Variants in RELN observed in about 807,000 individuals in gnomAD.
The protein encoded by RELN is reelin.
Under a neutral mutation model 427.6 loss-of-function variants are expected in RELN, and 108 were observed. The ratio of observed to expected loss-of-function variants is 0.25; its 90% confidence interval spans 0.22 to 0.30. RELN has a LOEUF of 0.30. Among genes scored for constraint, RELN ranks in the 10% least tolerant of loss-of-function variants. The probability of loss-of-function intolerance (pLI) is 1.00; values close to 1 mark genes in which losing one functional copy is unlikely to be tolerated. For missense variants in RELN, 3,715 were observed against 4,302.8 expected (o/e 0.86, Z 3.82); for synonymous variants, 1,524 against 1,513.4 (o/e 1.01, Z -0.16).
At chr7:103,919,133 CTTTTT>C (rs1187538150) in intron 1 of RELN, among the ~76,000 whole-genome samples, 10 of 101,366 alleles carry the variant, frequency 9.9e-5, no homozygotes, top group African/African-American at 3.0e-4. Flanking sequence ...GATAATCGGT[CTTTTT>C]TTTTTTTTTT....
At chr7:103,568,714 T>G (rs1830816495) in intron 31 of RELN, among the ~76,000 whole-genome samples, 1 of 152,208 alleles carries the variant, frequency 6.6e-6, no homozygotes, top group Non-Finnish European at 1.5e-5. Flanking sequence ...AATTCAGGTT[T>G]TCTTGTGGCT....
chr7:103,874,789 C>A lies in RELN; in HGVS notation c.338-41117G>T, dbSNP rs1321981598. ...TGAAAATGGCCATACTGCCCAAGGT[C>A]ATTTACAGATTCAATGCCATCCCCA... On this transcript the variant is annotated intron_variant, in intron 2 of 64. Transcript: ENST00000428762. Among the ~76,000 whole-genome samples, 31 of 150,292 alleles carry A rather than the reference C, an allele frequency of 2.1e-4. 2 individuals are homozygous for A. The highest frequency in any genetic ancestry group is 5.1e-4 in the African/African-American group (21 of 41,374).
At chr7:103,489,670 T>A (rs1160795333) in intron 60 of RELN, 72 bp downstream of exon 60, 2 of 1,552,808 alleles carry the variant, frequency 1.3e-6, no homozygotes, top group African/African-American at 2.7e-5. Context: ...CCTAGTGGAC[T>A]TTTGTATATA....
rs1231046975 is a variant in RELN, at chr7:103,603,599, T to G, written c.3147-109A>C. On this transcript the variant is annotated intron_variant, in intron 23 of 64. Transcript: ENST00000428762. The surrounding 1 kb of genome is among the most constrained non-coding windows in gnomAD (Gnocchi z 4.3). ...CTTACTTTTGCTCAGGTCTTATCATTCACACTAGATTCTTCCCTACAGTGT... is the reference window on the plus strand; with the variant it reads ...CTTACTTTTGCTCAGGTCTTATCATGCACACTAGATTCTTCCCTACAGTGT... 2.4e-6 allele frequency: 2 copies of G among 832,624 alleles called. No homozygotes were observed. The highest frequency in any genetic ancestry group is 4.1e-6 in the Non-Finnish European group (2 of 486,270). The allele number at this position is 832,624 out of a possible 1,614,324, so 51.6% of individuals were successfully genotyped here.
At chr7:103,616,933 C>G (rs1349626679) in intron 20 of RELN, among the ~76,000 whole-genome samples, 1 of 152,160 alleles carries the variant, frequency 6.6e-6, no homozygotes, top group African/African-American at 2.4e-5. Flanking sequence ...CAGATTCCTT[C>G]GTTAAAGCAA....
intron 2 of RELN, 59 bp downstream of exon 2, chr7:103,917,016 C>T: frequency 8.4e-7 from 1 of 1,193,454 alleles, no homozygotes; most frequent in Non-Finnish European, 1.3e-6. Flanking sequence ...TACTTTAAAA[C>T]ATAAGACCTA....
rs1345912109 is a variant in RELN at position 103,953,541 on chromosome 7, T to C, written c.226+35590A>G. ...ACATACACACACACAGAATTTTATA[T>C]AAAGAATATTAAATATGCCAATCTA... On this transcript the variant is annotated intron_variant, in intron 1 of 64. Transcript: ENST00000428762. The surrounding 1 kb of genome is among the most constrained non-coding windows in gnomAD (Gnocchi z 4.3). 6.6e-6 allele frequency among the ~76,000 whole-genome samples: 1 copy of C among 152,206 alleles called. No individual in the cohort carries two copies. Among genetic ancestry groups the C allele is most frequent in the Admixed American group, 6.5e-5 (1 of 15,274 alleles).
At chr7:103,557,721 T>A (rs1400916333) in intron 37 of RELN, among the ~76,000 whole-genome samples, 1 of 152,180 alleles carries the variant, frequency 6.6e-6, no homozygotes, top group East Asian at 1.9e-4. Flanking sequence ...GATGATAAAT[T>A]TAACTACCAT....
At chr7:103,517,059 T>G (rs1829583431) in intron 49 of RELN, among the ~76,000 whole-genome samples, 1 of 152,204 alleles carries the variant, frequency 6.6e-6, no homozygotes, top group South Asian at 2.1e-4. Flanking sequence ...GTATCAATCT[T>G]AGACCCTCAC....
intron 7 of RELN, 81 bp downstream of exon 7, chr7:103,728,030 A>C: frequency 7.7e-7 from 1 of 1,297,262 alleles, no homozygotes; most frequent in Non-Finnish European, 1.1e-6. Context: ...CTGAACTTTA[A>C]GAGCATAAGA....
At chr7:103,839,337 G>C (rs1793495758) in intron 2 of RELN, among the ~76,000 whole-genome samples, 1 of 135,448 alleles carries the variant, frequency 7.4e-6, no homozygotes, top group South Asian at 2.2e-4. Flanking sequence ...TAGAACACTG[G>C]CATATTATAC....
intron 4 of RELN, among the ~76,000 whole-genome samples, chr7:103,764,031 T>C (rs1330988401): frequency 1.3e-5 from 2 of 152,148 alleles, no homozygotes; most frequent in Admixed American, 6.5e-5. Flanking sequence ...AGGTCTCTGT[T>C]TAGTGACTGG....
intron 20 of RELN, among the ~76,000 whole-genome samples, chr7:103,614,887 GT>G (rs1400094878): frequency 6.6e-6 from 1 of 152,076 alleles, no homozygotes; most frequent in African/African-American, 2.4e-5. Context: ...ATTGTTTCTG[GT>G]TTATTCAAGA....
At chr7:103,888,418 G>C (rs1455609325) in intron 2 of RELN, among the ~76,000 whole-genome samples, 1 of 152,056 alleles carries the variant, frequency 6.6e-6, no homozygotes, top group Non-Finnish European at 1.5e-5. Flanking sequence ...CCTGAGATTG[G>C]CCACTGAAAG....
chr7:103,655,733 A>G (rs547258283), intron 12 of RELN, among the ~76,000 whole-genome samples: 1 of 152,252 alleles, frequency 6.6e-6, no homozygotes, highest in African/African-American at 2.4e-5. Context: ...TAGGATGTCC[A>G]TACACTGGGT....
At chr7:103,825,241 G>C (rs1422663542) in intron 3 of RELN, among the ~76,000 whole-genome samples, 1 of 152,074 alleles carries the variant, frequency 6.6e-6, no homozygotes, top group Non-Finnish European at 1.5e-5. Flanking sequence ...CAGGGAAGTG[G>C]AAGATCAGCA....
intron 2 of RELN, among the ~76,000 whole-genome samples, chr7:103,887,352 C>A (rs142202417): frequency 1.3e-5 from 2 of 152,104 alleles, no homozygotes; most frequent in African/African-American, 4.8e-5. Context: ...AGCCATTGCA[C>A]GTCAAAGGAT....
At chr7:103,628,910 A>G (rs750352757) in intron 20 of RELN, among the ~76,000 whole-genome samples, 1 of 152,310 alleles carries the variant, frequency 6.6e-6, no homozygotes, top group South Asian at 2.1e-4. Flanking sequence ...AGACCCTAAA[A>G]GATCTGGCCT....
At chr7:103,956,905 G>C (rs1259608157) in intron 1 of RELN, among the ~76,000 whole-genome samples, 2 of 152,142 alleles carry the variant, frequency 1.3e-5, no homozygotes, top group Non-Finnish European at 2.9e-5. Context: ...AAAGCAAGCA[G>C]GGGATGAATG....
Sources: gnomAD v4.1 joint callset for allele counts (sites outside exome capture counted in the v4.1 genomes callset) on GRCh38, gnomAD v4.1.1 for gene constraint, Gnocchi (gnomAD v3.1) non-coding constraint, MANE v1.5 for transcripts, NCBI Gene and HGNC (gene_info 2026-07-23, HGNC 2026-07-21) for gene names.